NRXN1: variants seen among roughly 807,000 people sequenced by gnomAD.
The protein encoded by NRXN1 is neurexin 1.
Under a neutral mutation model 150.9 loss-of-function variants are expected in NRXN1, and 39 were observed. The observed-to-expected ratio is 0.26, with a 90% CI of 0.20 to 0.34. The LOEUF (loss-of-function observed/expected upper bound fraction) is 0.34. Among genes scored for constraint, NRXN1 ranks in the 10% least tolerant of loss-of-function variants. NRXN1 has a pLI of 1.00. For missense variants in NRXN1, 1,815 were observed against 1,949.9 expected (o/e 0.93, Z 1.30); for synonymous variants, 924 against 757.0 (o/e 1.22, Z -3.62).
intron 2 of NRXN1, among the ~76,000 whole-genome samples, chr2:51,015,697 C>T (rs1668560766): frequency 6.6e-6 from 1 of 151,624 alleles, no homozygotes; most frequent in Non-Finnish European, 1.5e-5. Context: ...TCAAAAAATA[C>T]ATTGTGATAG....
intron 18 of NRXN1, among the ~76,000 whole-genome samples, chr2:50,100,395 T>TC (rs1420621749): frequency 6.6e-6 from 1 of 152,042 alleles, no homozygotes; most frequent in Non-Finnish European, 1.5e-5. Context: ...CCTCATTGTC[T>TC]CTCCTTAGAT....
At chr2:51,007,473 G>A (rs1007128269) in intron 2 of NRXN1, among the ~76,000 whole-genome samples, 4 of 151,896 alleles carry the variant, frequency 2.6e-5, no homozygotes, top group African/African-American at 7.2e-5. Context: ...TACTCGAAGT[G>A]TTAGGGGTTT....
At chr2:50,327,731 C>A (rs1558532159) in intron 17 of NRXN1, among the ~76,000 whole-genome samples, 1 of 151,848 alleles carries the variant, frequency 6.6e-6, no homozygotes, top group African/African-American at 2.4e-5. Flanking sequence ...CTCACTGCAA[C>A]CTCTGCCTCC....
intron 17 of NRXN1, among the ~76,000 whole-genome samples, chr2:50,294,718 G>C (rs914631131): frequency 2.0e-5 from 3 of 152,182 alleles, no homozygotes; most frequent in Admixed American, 6.5e-5. Context: ...GTTGGGACAG[G>C]CTGATCCATG....
At chr2:50,474,839 C>CCCCCCAAAA (rs1558795095) in intron 15 of NRXN1, among the ~76,000 whole-genome samples, 1 of 108,846 alleles carries the variant, frequency 9.2e-6, no homozygotes, top group Non-Finnish European at 1.8e-5. Context: ...GCCCCCCTAC[C>CCCCCCAAAA]AAAAAAAAAA....
In NRXN1 at chr2:50,716,980, T is replaced by C. The variant is rs895761666; in HGVS notation, c.833-93365A>G. 3.9e-5 allele frequency among the ~76,000 whole-genome samples: 6 copies of C among 152,156 alleles called. No individual in the cohort carries two copies. The South Asian group carries it at 1.2e-3, about 32-fold the overall frequency. Reference sequence around the variant, plus strand: ...TATTTATTGGCTATTACATGCAAAGTACCATTTTTAGCTCTAAACAAAGAG... The same window carrying C: ...TATTTATTGGCTATTACATGCAAAGCACCATTTTTAGCTCTAAACAAAGAG... On this transcript the variant is annotated intron_variant, in intron 5 of 22. Transcript: ENST00000401669.
intron 5 of NRXN1, among the ~76,000 whole-genome samples, chr2:50,799,915 C>T (rs936088101): frequency 6.6e-6 from 1 of 151,846 alleles, no homozygotes; most frequent in Non-Finnish European, 1.5e-5. Flanking sequence ...CACACACACA[C>T]GAGAGAGACA....
At chr2:50,581,711 T>C (rs1672288371) in intron 8 of NRXN1, among the ~76,000 whole-genome samples, 1 of 152,148 alleles carries the variant, frequency 6.6e-6, no homozygotes, top group Admixed American at 6.5e-5. Flanking sequence ...TGGAGTCTTT[T>C]GAGAGTGTCA....
chr2:50,820,582 C>A (rs1669581208), intron 5 of NRXN1, among the ~76,000 whole-genome samples: 1 of 152,156 alleles, frequency 6.6e-6, no homozygotes, highest in Non-Finnish European at 1.5e-5. Context: ...ATGTGTGCTG[C>A]AATGTTTCCA....
At chr2:50,626,767 A>G (rs1681164104) in intron 5 of NRXN1, among the ~76,000 whole-genome samples, 1 of 151,910 alleles carries the variant, frequency 6.6e-6, no homozygotes, top group Non-Finnish European at 1.5e-5. Flanking sequence ...AAAATTAACA[A>G]TGCTGGGTCA....
At chr2:50,827,148 A>G (rs1021055886) in intron 5 of NRXN1, among the ~76,000 whole-genome samples, 1 of 152,264 alleles carries the variant, frequency 6.6e-6, no homozygotes, top group East Asian at 1.9e-4. Flanking sequence ...CCTTGGTAAC[A>G]GTCTATTCAA....
intron 2 of NRXN1, among the ~76,000 whole-genome samples, chr2:51,014,481 A>G (rs1333369815): frequency 6.6e-6 from 1 of 152,118 alleles, no homozygotes; most frequent in Non-Finnish European, 1.5e-5. Context: ...CTGCTCAGGA[A>G]AAGTTATTAA....
intron 17 of NRXN1, among the ~76,000 whole-genome samples, chr2:50,278,260 T>C (rs868669581): frequency 1.3e-4 from 13 of 103,842 alleles, no homozygotes; most frequent in South Asian, 2.7e-4. Flanking sequence ...ATATATTATA[T>C]ATATTATATA....
At chr2:50,278,252 ATATTATATATATTATATATGT>A (rs2070857836) in intron 17 of NRXN1, among the ~76,000 whole-genome samples, 1 of 46,062 alleles carries the variant, frequency 2.2e-5, no homozygotes, top group Admixed American at 2.7e-4. Flanking sequence ...ATATATATAT[ATATTATATATATTATATATGT>A]ATTATATATA....
chr2:50,220,150 C>G (rs947817623), intron 18 of NRXN1, among the ~76,000 whole-genome samples: 2 of 149,618 alleles, frequency 1.3e-5, no homozygotes, highest in African/African-American at 4.9e-5. Context: ...CCTAACTCCT[C>G]AGTCAAACAC....
At chr2:50,080,623 C>T (rs180713747) in intron 19 of NRXN1, among the ~76,000 whole-genome samples, 2 of 151,972 alleles carry the variant, frequency 1.3e-5, no homozygotes, top group Non-Finnish European at 2.9e-5. Flanking sequence ...ATGTAATGCC[C>T]CAATGTTATA....
At chr2:50,097,894 C>T (rs1014056295) in intron 18 of NRXN1, among the ~76,000 whole-genome samples, 8 of 152,230 alleles carry the variant, frequency 5.3e-5, no homozygotes, top group East Asian at 1.9e-4. Context: ...CCACCTTGGC[C>T]TCTCAGACTG....
chr2:50,717,924 G>A (rs80339104), intron 5 of NRXN1, among the ~76,000 whole-genome samples: 4,349 of 152,208 alleles, frequency 0.029, 273 homozygotes, highest in East Asian at 0.16. Flanking sequence ...CCTACTAAAG[G>A]TCTCACCTGA....
intron 17 of NRXN1, among the ~76,000 whole-genome samples, chr2:50,254,684 T>TA (rs939204889): frequency 7.3e-5 from 11 of 150,092 alleles, no homozygotes; most frequent in South Asian, 2.1e-4. Context: ...GCAAAAGAAA[T>TA]AAAAAAATAT....
Sources: gnomAD v4.1 joint callset for allele counts (sites outside exome capture counted in the v4.1 genomes callset) on GRCh38, gnomAD v4.1.1 for gene constraint, MANE v1.5 for transcripts, NCBI Gene and HGNC (gene_info 2026-07-23, HGNC 2026-07-21) for gene names.